Variants in AP4E1 observed in about 807,000 individuals in gnomAD.
AP4E1 encodes the protein adaptor related protein complex 4 subunit epsilon 1.
AP4E1 carries 56 observed loss-of-function variants against 128.2 expected under a neutral mutation model. That is an observed-to-expected ratio of 0.44 (90% confidence interval 0.35 to 0.55). AP4E1 has a LOEUF of 0.55. AP4E1 is among the 20% of genes least tolerant of loss of function. AP4E1 has a pLI of 0.00. For synonymous variants in AP4E1, 484 were observed against 473.1 expected (o/e 1.02, Z -0.30); for missense variants, 1,324 against 1,307.7 (o/e 1.01, Z -0.19).
chr15:50,958,260 G>A (rs1472458513), intron 13 of AP4E1, among the ~76,000 whole-genome samples: 1 of 152,108 alleles, frequency 6.6e-6, no homozygotes, highest in Non-Finnish European at 1.5e-5. Context: ...AACTTGTAAA[G>A]GTATGCTGCT....
chr15:50,971,709 C>A (rs1014832410), intron 15 of AP4E1, among the ~76,000 whole-genome samples: 1 of 151,392 alleles, frequency 6.6e-6, no homozygotes, highest in Non-Finnish European at 1.5e-5. Flanking sequence ...GAAATTATTT[C>A]TTCTGCTTTC....
At chr15:50,937,094 A>G (rs1405634674) in intron 8 of AP4E1, among the ~76,000 whole-genome samples, 2 of 152,112 alleles carry the variant, frequency 1.3e-5, no homozygotes. Flanking sequence ...CTATATCTGT[A>G]TTGATAGAGC....
At chr15:50,977,999 A>G (rs981003945) in intron 15 of AP4E1, among the ~76,000 whole-genome samples, 1 of 152,264 alleles carries the variant, frequency 6.6e-6, no homozygotes, top group East Asian at 1.9e-4. Flanking sequence ...ACAAGCCACC[A>G]TGCCAGCCTG....
At chr15:50,990,640 C>T (rs1739020967) in intron 16 of AP4E1, among the ~76,000 whole-genome samples, 2 of 151,608 alleles carry the variant, frequency 1.3e-5, no homozygotes, top group Non-Finnish European at 2.9e-5. Flanking sequence ...CCTGCCTCAG[C>T]GTCAGTGCTG....
At chr15:50,908,076 G>A (rs2063513194), upstream of AP4E1, among the ~76,000 whole-genome samples, 1 of 152,160 alleles carries the variant, frequency 6.6e-6, no homozygotes, top group South Asian at 2.1e-4. Context: ...AAGGGTGGCC[G>A]CCGACCAGTT....
intron 10 of AP4E1, among the ~76,000 whole-genome samples, chr15:50,947,381 A>G (rs950407536): frequency 6.6e-6 from 1 of 150,966 alleles, no homozygotes; most frequent in African/African-American, 2.4e-5. Flanking sequence ...GTACCACTGC[A>G]CTACAGCCTG....
At chr15:50,994,097 T>G (rs973495161) in intron 17 of AP4E1, among the ~76,000 whole-genome samples, 1 of 152,228 alleles carries the variant, frequency 6.6e-6, no homozygotes, top group African/African-American at 2.4e-5. Context: ...GAAAAAATAC[T>G]TAAATGATAT....
intron 13 of AP4E1, among the ~76,000 whole-genome samples, chr15:50,953,033 A>G (rs2064172440): frequency 1.3e-5 from 2 of 152,150 alleles, no homozygotes; most frequent in South Asian, 4.1e-4. Flanking sequence ...CTTGGGCAAC[A>G]AAGTGAGACC....
intron 15 of AP4E1, among the ~76,000 whole-genome samples, chr15:50,974,680 C>T (rs143060542): frequency 3.3e-5 from 5 of 152,252 alleles, no homozygotes; most frequent in Admixed American, 6.5e-5. Flanking sequence ...CTTCCTGACA[C>T]GTTATGTTTT....
chr15:50,997,617 A>G lies in AP4E1; in HGVS notation c.2638A>G (p.Asn880Asp), dbSNP rs201177806. 43 of 1,613,940 alleles carry G rather than the reference A, an allele frequency of 2.7e-5. No homozygotes were observed. Among genetic ancestry groups the G allele is most frequent in the Non-Finnish European group, 2.2e-5 (26 of 1,179,988 alleles). ...CSLSTPSLFANNNMEIFHPPQ... is the reference protein window; with the variant it reads ...CSLSTPSLFADNNMEIFHPPQ... ...TCTGTCTACACCTTCATTGTTTGCT[A>G]ATAACAACATGGAAATTTTTCACCC... The change falls in exon 18 of 21, where the codon AAT (asparagine) becomes GAT (aspartate). Residue 880 changes from asparagine (N) to aspartate (D), a missense_variant. Physicochemically the swap from Asn to Asp is conservative, Grantham distance 23. Coordinates refer to ENST00000261842, the MANE Select transcript of AP4E1 (RefSeq NM_007347.5).
intron 3 of AP4E1, among the ~76,000 whole-genome samples, chr15:50,917,560 A>G (rs2141134563): frequency 6.6e-6 from 1 of 152,296 alleles, no homozygotes; most frequent in South Asian, 2.1e-4. Flanking sequence ...TTAGCCTTCA[A>G]TAGTGAAATT....
chr15:51,005,138 A>C lies in AP4E1; in HGVS notation c.*2476A>C, dbSNP rs1173642240. The C allele has an allele frequency of 6.6e-6, 1 of 152,206 alleles. No homozygotes were observed. The highest frequency in any genetic ancestry group is 1.9e-4 in the East Asian group (1 of 5,194). 9.4% of individuals were successfully genotyped at this position (152,206 alleles called of 1,614,324 possible). ...CGACCTCAGGTGATCTGCCCGCCTC[A>C]GCCTCCCAAAGTGCTGGGATTACAG... On this transcript the variant is annotated 3_prime_UTR_variant, in exon 21 of 21. Transcript: ENST00000261842.
chr15:50,997,823 T>C lies in AP4E1; in HGVS notation c.2844T>C (p.Asn948=), dbSNP rs781529748. The C allele has an allele frequency of 2.5e-6, 4 of 1,601,946 alleles. No homozygotes were observed. The highest frequency in any genetic ancestry group is 2.2e-5 in the South Asian group (2 of 89,982). The change falls in exon 18 of 21, where the codon AAT becomes AAC. Residue 948 remains asparagine (N), a synonymous_variant. Transcript: ENST00000261842. ...DCLLMVWSVT[N]KSGLELKSAD... ...TATTGATGGTCTGGTCAGTCACTAATAAGAGTGGTTTGGAATTGAAAAGTG... is the reference window on the plus strand; with the variant it reads ...TATTGATGGTCTGGTCAGTCACTAACAAGAGTGGTTTGGAATTGAAAAGTG...
intron 16 of AP4E1, among the ~76,000 whole-genome samples, chr15:50,984,415 G>C (rs111936436): frequency 6.6e-6 from 1 of 151,514 alleles, no homozygotes; most frequent in Non-Finnish European, 1.5e-5. Context: ...CCATTAACTC[G>C]TCATTTACAT....
chr15:50,939,006 A>G (rs763140368), intron 8 of AP4E1, among the ~76,000 whole-genome samples: 3 of 152,234 alleles, frequency 2.0e-5, no homozygotes, highest in Admixed American at 6.5e-5. Flanking sequence ...TTGTTTGAGC[A>G]TACATAATCC....
At position 50,930,834 on chromosome 15, in the gene AP4E1, T is replaced by C. The variant is rs769309468; in HGVS notation, c.732T>C (p.Thr244=). The change falls in exon 7 of 21, where the codon ACT becomes ACC. Residue 244 remains threonine, a synonymous_variant. Coordinates refer to ENST00000261842, the MANE Select transcript of AP4E1 (RefSeq NM_007347.5). ...ATTCATCTGGATATAAAGACTTGACTGGGAGTTTTGTAACCATTTTGAAGC... is the reference window on the plus strand; with the variant it reads ...ATTCATCTGGATATAAAGACTTGACCGGGAGTTTTGTAACCATTTTGAAGC... ...KENSSGYKDL[T]GSFVTILKQV... 2 of 1,614,028 alleles carry C rather than the reference T, an allele frequency of 1.2e-6. No homozygotes were observed. The highest frequency in any genetic ancestry group is 2.2e-5 in the South Asian group (2 of 91,074).
intron 15 of AP4E1, among the ~76,000 whole-genome samples, chr15:50,973,789 A>G (rs12907367): frequency 0.13 from 19,311 of 152,248 alleles, 1,498 homozygotes; most frequent in South Asian, 0.19. Flanking sequence ...GTATATGTAT[A>G]TGACATCATC....
In AP4E1 at chr15:50,923,947, C is replaced by T. The variant is rs2063738525; in HGVS notation, c.363C>T (p.Ser121=). 1.2e-6 allele frequency: 2 copies of T among 1,611,812 alleles called. No individual in the cohort carries two copies. Among genetic ancestry groups the T allele is most frequent in the Non-Finnish European group, 8.5e-7 (1 of 1,178,486 alleles). Residue 121 remains serine, a synonymous_variant, in exon 4 of 21, where the codon TCC becomes TCT. Transcript: ENST00000261842. ...LEKRVGYLAV[S]LFLHESHELL... is the part of the protein sequence containing the mutation. ...CTTTTATAGGTTATTTGGCTGTTTC[C>T]TTATTTCTACATGAAAGTCATGAAT...
chr15:50,966,663 G>A (rs1354734005), intron 14 of AP4E1, among the ~76,000 whole-genome samples: 2 of 149,816 alleles, frequency 1.3e-5, no homozygotes, highest in African/African-American at 4.9e-5. Context: ...TCAGCCTCCC[G>A]AGTAGCTGGG....
Sources: allele counts gnomAD v4.1 joint callset (sites outside exome capture counted in the v4.1 genomes callset), GRCh38; gene constraint gnomAD v4.1.1; transcripts MANE v1.5; gene names NCBI Gene and HGNC (gene_info 2026-07-23, HGNC 2026-07-21).